Variants in WNT2B observed in about 807,000 individuals in gnomAD.
WNT2B encodes Wnt family member 2B, also known as protein Wnt-2b.
Under a neutral mutation model 40.5 loss-of-function variants are expected in WNT2B, and 19 were observed. The observed-to-expected ratio is 0.47, with a 90% CI of 0.33 to 0.69. The LOEUF is 0.69. Among genes scored for constraint, WNT2B ranks in the 30% least tolerant of loss-of-function variants. The probability of loss-of-function intolerance (pLI) is 0.02; values close to 1 mark genes in which losing one functional copy is unlikely to be tolerated. For missense variants in WNT2B, 467 were observed against 556.4 expected (o/e 0.84, Z 1.62); for synonymous variants, 220 against 211.9 (o/e 1.04, Z -0.33).
rs895826370 is a variant in WNT2B, at chr1:112,523,720, T to C, written c.*3211T>C. On this transcript the variant is annotated 3_prime_UTR_variant, in exon 5 of 5. Transcript: ENST00000369684. ...CATTTCTTCTAACTTTTAATAAACATTTAGGTATAATACATTACAGTAAGT... is the reference window on the plus strand; with the variant it reads ...CATTTCTTCTAACTTTTAATAAACACTTAGGTATAATACATTACAGTAAGT... 2 of 152,178 alleles carry C rather than the reference T, an allele frequency of 1.3e-5. No individual in the cohort carries two copies. The highest frequency in any genetic ancestry group is 2.9e-5 in the Non-Finnish European group (2 of 68,022). 9.4% of individuals were successfully genotyped at this position (152,178 alleles called of 1,614,324 possible). A position where few individuals can be genotyped will look rare whatever the true frequency, so the allele number is the denominator to read the frequency against.
chr1:112,468,911 T>G (rs1433192249), intron 1 of WNT2B, among the ~76,000 whole-genome samples: 1 of 152,200 alleles, frequency 6.6e-6, no homozygotes, highest in Non-Finnish European at 1.5e-5. Context: ...TTTCTTATGT[T>G]TTCTTCTAGT....
rs2101140895 is a variant in WNT2B at position 112,527,205 on chromosome 1, CAGA to C, written c.*6699_*6701del. On this transcript the variant is annotated 3_prime_UTR_variant, in exon 5 of 5. Transcript: ENST00000369684. ...TAATCCTGCACCCCAACTGTTAAGA[CAGA>C]AGGGAAAAGTACAATGTTCATCAAT... The C allele has an allele frequency of 6.6e-6, 1 of 152,408 alleles. No homozygotes were observed. The allele number at this position is 152,408 out of a possible 1,614,324, so 9.4% of individuals were successfully genotyped here.
intron 1 of WNT2B, among the ~76,000 whole-genome samples, chr1:112,512,362 A>T (rs1453083877): frequency 1.3e-5 from 2 of 152,238 alleles, no homozygotes; most frequent in Non-Finnish European, 2.9e-5. Context: ...GGTGCATCCA[A>T]ACCATGTGAG....
chr1:112,488,556 T>G (rs868058239), intron 1 of WNT2B, among the ~76,000 whole-genome samples: 1 of 148,662 alleles, frequency 6.7e-6, no homozygotes, highest in Non-Finnish European at 1.5e-5. Context: ...ACTTACTGTT[T>G]TTTTTTTTTT....
intron 1 of WNT2B, among the ~76,000 whole-genome samples, chr1:112,502,331 G>GCACCCCGCTCTC (rs1553231764): frequency 1.3e-5 from 2 of 152,216 alleles, no homozygotes; most frequent in Non-Finnish European, 2.9e-5. Flanking sequence ...GCCCTGCCCT[G>GCACCCCGCTCTC]CACCCCGCTC....
Position 112,509,006 on chromosome 1 carries a change from T to C in WNT2B, c.-257T>C. On this transcript the variant is annotated 5_prime_UTR_variant, in exon 1 of 5. Transcript: ENST00000369684. The surrounding 1 kb of genome is among the most constrained non-coding windows in gnomAD (Gnocchi z 4.2). Reference sequence around the variant, plus strand: ...GCTCCCTTCAGCGCCGCAGACCCCCTGACACCGCACCCGGTCCTCAGGCAG... The same window carrying C: ...GCTCCCTTCAGCGCCGCAGACCCCCCGACACCGCACCCGGTCCTCAGGCAG... 7.5e-7 allele frequency: 1 copy of C among 1,335,882 alleles called. No homozygotes were observed. Among genetic ancestry groups the C allele is most frequent in the Non-Finnish European group, 9.5e-7 (1 of 1,051,946 alleles). The allele number at this position is 1,335,882 out of a possible 1,614,324, so 82.8% of individuals were successfully genotyped here.
At chr1:112,484,110 T>C (rs1229451748) in intron 1 of WNT2B, among the ~76,000 whole-genome samples, 3 of 142,220 alleles carry the variant, frequency 2.1e-5, no homozygotes, top group African/African-American at 7.5e-5. Context: ...ATTATATATA[T>C]ATAATTTTAT....
intron 1 of WNT2B, among the ~76,000 whole-genome samples, chr1:112,511,735 G>A (rs1256505380): frequency 6.6e-6 from 1 of 152,138 alleles, no homozygotes; most frequent in Non-Finnish European, 1.5e-5. Context: ...TTGGATGTAG[G>A]GAATCACAAG....
At chr1:112,502,282 C>T (rs1391693605) in intron 1 of WNT2B, among the ~76,000 whole-genome samples, 16 of 152,092 alleles carry the variant, frequency 1.1e-4, no homozygotes, top group Admixed American at 1.0e-3. Context: ...TGAAAGCATC[C>T]GGACAGCTCC....
chr1:112,493,030 GA>G (rs1450430764), intron 1 of WNT2B, among the ~76,000 whole-genome samples: 1 of 152,158 alleles, frequency 6.6e-6, no homozygotes, highest in Non-Finnish European at 1.5e-5. Context: ...AAGACAGTTT[GA>G]AAAGTCAAAA....
upstream of WNT2B, among the ~76,000 whole-genome samples, chr1:112,504,390 TCTC>T (rs1443207370): frequency 6.6e-6 from 1 of 152,112 alleles, no homozygotes; most frequent in Non-Finnish European, 1.5e-5. Flanking sequence ...GGAAAGGGGT[TCTC>T]CTCCATCAAG....
At chr1:112,520,244 T>A (rs764860088) in intron 4 of WNT2B, 36 bp from the exon 5 acceptor site, 2 of 1,586,014 alleles carry the variant, frequency 1.3e-6, no homozygotes, top group Admixed American at 1.7e-5. Context: ...GCTGAAGAGA[T>A]AACTTTGTTC....
At chr1:112,481,273 A>T (rs893273640) in intron 1 of WNT2B, among the ~76,000 whole-genome samples, 2 of 152,202 alleles carry the variant, frequency 1.3e-5, no homozygotes, top group African/African-American at 2.4e-5. Flanking sequence ...AACGTATGAA[A>T]ATCAATCAAT....
intron 1 of WNT2B, among the ~76,000 whole-genome samples, chr1:112,499,489 A>G (rs1230348777): frequency 1.3e-5 from 2 of 152,254 alleles, no homozygotes; most frequent in Non-Finnish European, 2.9e-5. Flanking sequence ...GGCTGATTCA[A>G]CATTTGAAAA....
At chr1:112,482,432 C>T (rs2101056796) in intron 1 of WNT2B, among the ~76,000 whole-genome samples, 1 of 152,308 alleles carries the variant, frequency 6.6e-6, no homozygotes, top group Admixed American at 6.5e-5. Flanking sequence ...AACTTCTGGA[C>T]TCAAGCAATC....
chr1:112,480,423 G>A (rs945124010), intron 1 of WNT2B, among the ~76,000 whole-genome samples: 15 of 148,732 alleles, frequency 1.0e-4, no homozygotes, highest in Non-Finnish European at 1.9e-4. Context: ...ACAAAAAGAT[G>A]TATAAAGGAC....
chr1:112,484,180 A>T (rs1445900049), intron 1 of WNT2B, among the ~76,000 whole-genome samples: 1 of 144,794 alleles, frequency 6.9e-6, no homozygotes, highest in Non-Finnish European at 1.5e-5. Context: ...TATCATTTTT[A>T]TATATAATTT....
Position 112,526,030 on chromosome 1 carries a change from C to A in WNT2B, c.*5521C>A, listed in dbSNP as rs115591231. 264 of 1,614,172 alleles carry A rather than the reference C, an allele frequency of 1.6e-4. 1 individual carries two copies. In the East Asian group the frequency reaches 5.4e-3, roughly 33 times the overall value. On this transcript the variant is annotated 3_prime_UTR_variant, in exon 5 of 5. Coordinates refer to ENST00000369684, the MANE Select transcript of WNT2B (RefSeq NM_024494.3). ...TGCGTGGCTCAGCCAGAACTCAAACCTAGGTCTTCTGACTTCAAATCCTGT... is the reference window on the plus strand; with the variant it reads ...TGCGTGGCTCAGCCAGAACTCAAACATAGGTCTTCTGACTTCAAATCCTGT...
intron 1 of WNT2B, chr1:112,514,649 G>A: frequency 1.7e-6 from 1 of 580,678 alleles, no homozygotes; most frequent in South Asian, 2.0e-5. Context: ...TGGGGAACTG[G>A]TGATGGTGGG....
Sources: gnomAD v4.1 joint callset for allele counts (sites outside exome capture counted in the v4.1 genomes callset) on GRCh38, gnomAD v4.1.1 for gene constraint, Gnocchi (gnomAD v3.1) non-coding constraint, MANE v1.5 for transcripts, NCBI Gene and HGNC (gene_info 2026-07-23, HGNC 2026-07-21) for gene names.